Variants in CCDC82 observed in about 807,000 individuals in gnomAD.
CCDC82 encodes the protein coiled-coil domain-containing protein 82.
Under a neutral mutation model 60.6 loss-of-function variants are expected in CCDC82, and 47 were observed. That is an observed-to-expected ratio of 0.77 (90% CI 0.61 to 0.99). The LOEUF is 0.99. Among genes scored for constraint, CCDC82 ranks in the 50% least tolerant of loss-of-function variants. The pLI, the probability that CCDC82 is intolerant of heterozygous loss-of-function variation, is 0.00. For missense variants in CCDC82, 588 were observed against 633.0 expected, an observed-to-expected ratio of 0.93 and a Z score of 0.76; for synonymous variants, 212 against 207.4, an observed-to-expected ratio of 1.02 and a Z score of -0.19.
At chr11:96,377,664 C>G (rs1865660294) in intron 5 of CCDC82, among the ~76,000 whole-genome samples, 1 of 151,996 alleles carries the variant, frequency 6.6e-6, no homozygotes, top group Non-Finnish European at 1.5e-5. Context: ...GACTTTTTCT[C>G]TATTGATATA....
At position 96,384,190 on chromosome 11, in the gene CCDC82, G is replaced by A; in HGVS notation, c.558C>T (p.Ser186=). ...DIKRGKRKRL[S]SVMCDSDESD... ...TCTCATCACTGTCACACATCACAGAGGATAGCCTTTTTCTTTTTCCTCGCT... is the reference window on the plus strand; with the variant it reads ...TCTCATCACTGTCACACATCACAGAAGATAGCCTTTTTCTTTTTCCTCGCT... The change falls in exon 4 of 10, where the codon TCC becomes TCT. Residue 186 remains serine, a synonymous_variant. Transcript: ENST00000646818. 9 of 1,613,818 alleles carry A rather than the reference G, an allele frequency of 5.6e-6. No individual in the cohort carries two copies. The highest frequency in any genetic ancestry group is 7.6e-6 in the Non-Finnish European group (9 of 1,179,856).
At chr11:96,359,593 G>A (rs1433335802) in intron 8 of CCDC82, among the ~76,000 whole-genome samples, 2 of 18,292 alleles carry the variant, frequency 1.1e-4, no homozygotes, top group East Asian at 1.2e-3. Context: ...GCCAAGTTCG[G>A]GGGAAAAAAG....
chr11:96,357,293 C>CA (rs1320470141), intron 9 of CCDC82: 2 of 985,092 alleles, frequency 2.0e-6, no homozygotes, highest in Non-Finnish European at 2.4e-6. Context: ...GGAGAAATCT[C>CA]AAAAAAATGA....
At position 96,369,651 on chromosome 11, in the gene CCDC82, C is replaced by T. The variant is rs552595077; in HGVS notation, c.1209+1362G>A. Among the ~76,000 whole-genome samples, 9 of 152,148 alleles carry T rather than the reference C, an allele frequency of 5.9e-5. No individual in the cohort carries two copies. In the East Asian group the frequency reaches 1.5e-3, roughly 26 times the overall value. On this transcript the variant is annotated intron_variant, in intron 7 of 9. Transcript: ENST00000646818. ...AATAGTAACATCAAAGATCACTGAC[C>T]ACAGATCACCATAAAAGATGTAATA...
chr11:96,385,479 A>AT (rs2136216920), intron 3 of CCDC82: 1 of 152,526 alleles, frequency 6.6e-6, no homozygotes, highest in South Asian at 2.1e-4. Flanking sequence ...TTACACGAAG[A>AT]AAGTTATAAA....
chr11:96,361,631 C>T (rs1045040076), intron 8 of CCDC82, among the ~76,000 whole-genome samples: 2 of 152,150 alleles, frequency 1.3e-5, no homozygotes, highest in African/African-American at 4.8e-5. Flanking sequence ...CTCACTCATT[C>T]CTGTTTTTAG....
intron 5 of CCDC82, 36 bp downstream of exon 5, chr11:96,383,233 A>C: frequency 8.7e-7 from 1 of 1,146,166 alleles, no homozygotes; most frequent in Non-Finnish European, 1.3e-6. Flanking sequence ...TATCATGAGA[A>C]CAATTCATGA....
intron 5 of CCDC82, among the ~76,000 whole-genome samples, chr11:96,379,572 G>A (rs1393443990): frequency 6.6e-6 from 1 of 151,638 alleles, no homozygotes; most frequent in Non-Finnish European, 1.5e-5. Flanking sequence ...TGGAAGTAGG[G>A]GCACCCACAT....
chr11:96,384,599 T>C lies in CCDC82; in HGVS notation c.149A>G (p.Asp50Gly). 6.2e-7 allele frequency: 1 copy of C among 1,613,508 alleles called. No homozygotes were observed. Residue 50 changes from aspartate (D) to glycine (G), a missense_variant, in exon 4 of 10, where the codon GAT (aspartate) becomes GGT (glycine). Asp to Gly is a moderately conservative substitution (Grantham distance 94). Transcript: ENST00000646818. ...ATCACTATCAAGCTCTTCATCACTA[T>C]CAAATTCTTCACTATCAAGCTCTTC... ...SDEELDSEEF[D>G]SDEELDSDES...
chr11:96,384,079 C>T lies in CCDC82; in HGVS notation c.669G>A (p.Met223Ile). The change falls in exon 4 of 10, where the codon ATG (methionine) becomes ATA (isoleucine). Residue 223 changes from methionine (M) to isoleucine (I), a missense_variant. Met to Ile is a conservative substitution (Grantham distance 10). Coordinates refer to ENST00000646818, the MANE Select transcript of CCDC82 (RefSeq NM_024725.4). ...VVEDEGSSVE[M>I]EQKTPEKTLA... Reference sequence around the variant, plus strand: ...ATGTTTTTTCAGGAGTCTTTTGCTCCATTTCCACTGAAGAACCTTCATCTT... The same window carrying T: ...ATGTTTTTTCAGGAGTCTTTTGCTCTATTTCCACTGAAGAACCTTCATCTT... 1 of 1,613,698 alleles carries T rather than the reference C, an allele frequency of 6.2e-7. No individual in the cohort carries two copies. The highest frequency in any genetic ancestry group is 8.5e-7 in the Non-Finnish European group (1 of 1,179,720).
intron 5 of CCDC82, among the ~76,000 whole-genome samples, chr11:96,376,801 A>G (rs938884139): frequency 3.3e-5 from 5 of 152,144 alleles, no homozygotes; most frequent in Non-Finnish European, 7.4e-5. Context: ...TCCTGATTAT[A>G]TCATTTAAGT....
At chr11:96,359,206 T>C in intron 8 of CCDC82, 28 bp from the exon 9 acceptor site, 1 of 1,528,228 alleles carries the variant, frequency 6.5e-7, no homozygotes, top group Non-Finnish European at 8.7e-7. Flanking sequence ...GATTGTTATC[T>C]GACAACGAAT....
At chr11:96,371,214 C>T in intron 6 of CCDC82, 77 bp from the exon 7 acceptor site, 1 of 991,242 alleles carries the variant, frequency 1.0e-6, no homozygotes, top group South Asian at 3.2e-5. Flanking sequence ...TTAAAAATTT[C>T]TTCCCAACTT....
chr11:96,370,704 T>C (rs1029682113), intron 7 of CCDC82, among the ~76,000 whole-genome samples: 4 of 152,218 alleles, frequency 2.6e-5, no homozygotes, highest in East Asian at 1.9e-4. Flanking sequence ...TCAAATTTCT[T>C]TGACCATGGA....
chr11:96,358,719 A>G, intron 9 of CCDC82: 1 of 1,141,396 alleles, frequency 8.8e-7, no homozygotes, highest in South Asian at 2.6e-5. Flanking sequence ...CAATACATAC[A>G]TAAAAGCGAA....
At chr11:96,356,899 T>A in intron 9 of CCDC82, 3 of 985,326 alleles carry the variant, frequency 3.0e-6, no homozygotes, top group Non-Finnish European at 3.6e-6. Flanking sequence ...AGGTGTGGAA[T>A]ACAAGCTGGA....
intron 6 of CCDC82, among the ~76,000 whole-genome samples, chr11:96,371,640 C>T (rs1865282845): frequency 6.6e-6 from 1 of 152,182 alleles, no homozygotes; most frequent in Admixed American, 6.5e-5. Context: ...CAAAAAAAGT[C>T]AGATGAAAAA....
chr11:96,385,095 A>G (rs1355609941), intron 3 of CCDC82: 2 of 170,240 alleles, frequency 1.2e-5, no homozygotes, highest in Non-Finnish European at 2.5e-5. Flanking sequence ...ATTTCAAGGT[A>G]ATATTTAGTA....
chr11:96,359,209 C>T (rs1183465637), intron 8 of CCDC82, 31 bp from the exon 9 acceptor site: 1 of 1,522,878 alleles, frequency 6.6e-7, no homozygotes, highest in Non-Finnish European at 8.8e-7. Context: ...TGTTATCTGA[C>T]AACGAATATA....
Sources: gnomAD v4.1 joint callset for allele counts (sites outside exome capture counted in the v4.1 genomes callset) on GRCh38, gnomAD v4.1.1 for gene constraint, MANE v1.5 for transcripts, NCBI Gene and HGNC (gene_info 2026-07-23, HGNC 2026-07-21) for gene names.